Variants in CSTF3 observed in about 807,000 individuals in gnomAD.
CSTF3 encodes cleavage stimulation factor subunit 3.
Under a neutral mutation model 105.8 loss-of-function variants are expected in CSTF3, and 29 were observed. The observed-to-expected ratio is 0.27, with a 90% CI of 0.20 to 0.37. CSTF3 has a LOEUF of 0.37. Among genes scored for constraint, CSTF3 ranks in the 10% least tolerant of loss-of-function variants. The probability of loss-of-function intolerance (pLI) is 1.00; values close to 1 mark genes in which losing one functional copy is unlikely to be tolerated. For synonymous variants in CSTF3, 252 were observed against 281.9 expected (o/e 0.89, Z 1.06); for missense variants, 357 against 879.3 (o/e 0.41, Z 7.51).
chr11:33,132,816 ATTTG>A (rs1446332593), intron 3 of CSTF3, among the ~76,000 whole-genome samples: 1 of 152,122 alleles, frequency 6.6e-6, no homozygotes, highest in Non-Finnish European at 1.5e-5. Flanking sequence ...CTTTTTGACT[ATTTG>A]TTTACAAAGC....
chr11:33,100,794 G>C (rs1398145541), intron 10 of CSTF3, among the ~76,000 whole-genome samples: 1 of 152,160 alleles, frequency 6.6e-6, no homozygotes, highest in Non-Finnish European at 1.5e-5. Flanking sequence ...AGTGGAGTAA[G>C]GATGGGGTAG....
chr11:33,114,657 C>T (rs1855413382), intron 3 of CSTF3, among the ~76,000 whole-genome samples: 1 of 151,922 alleles, frequency 6.6e-6, no homozygotes, highest in East Asian at 1.9e-4. Flanking sequence ...TCGAGACCAG[C>T]CTGGACAACA....
intron 5 of CSTF3, among the ~76,000 whole-genome samples, chr11:33,106,359 T>C (rs1565006334): frequency 6.6e-6 from 1 of 152,042 alleles, no homozygotes; most frequent in Non-Finnish European, 1.5e-5. Context: ...AAGGTTACAG[T>C]GAGTTATGAA....
chr11:33,117,760 A>C (rs1255425330), intron 3 of CSTF3, among the ~76,000 whole-genome samples: 1 of 151,978 alleles, frequency 6.6e-6, no homozygotes, highest in Non-Finnish European at 1.5e-5. Context: ...GCTTTGTCTA[A>C]GTAATTGTTT....
At chr11:33,158,302 A>T (rs760128459) in intron 1 of CSTF3, among the ~76,000 whole-genome samples, 2 of 152,206 alleles carry the variant, frequency 1.3e-5, no homozygotes, top group Admixed American at 6.5e-5. Flanking sequence ...AAAGGTTTGG[A>T]CAAGTTGAGT....
Position 33,124,751 on chromosome 11 carries a change from C to T in CSTF3, c.226-16333G>A, listed in dbSNP as rs187225875. The stretch of plus-strand genomic sequence containing the variant: ...AATTGGACATGTTCAAAAATGCATG[C>T]GTAACTTCCACAATGGTATTTTATT... On this transcript the variant is annotated intron_variant, in intron 3 of 20. Coordinates refer to ENST00000323959, the MANE Select transcript of CSTF3 (RefSeq NM_001326.3). Among the ~76,000 whole-genome samples the T allele has an allele frequency of 7.9e-5, 12 of 152,218 alleles. 1 individual carries two copies. The highest frequency in any genetic ancestry group is 1.9e-4 in the East Asian group (1 of 5,178).
intron 17 of CSTF3, among the ~76,000 whole-genome samples, chr11:33,088,184 C>A (rs1254650218): frequency 6.6e-6 from 1 of 151,368 alleles, no homozygotes. Flanking sequence ...CCGTTAAACA[C>A]AGAAGCACAT....
chr11:33,120,267 A>ATATTTT (rs1214734015), intron 3 of CSTF3, among the ~76,000 whole-genome samples: 10 of 151,888 alleles, frequency 6.6e-5, no homozygotes, highest in African/African-American at 2.4e-4. Context: ...ATATGCTACC[A>ATATTTT]TGTGGAAAAA....
intron 9 of CSTF3, 118 bp from the exon 10 acceptor site, chr11:33,102,457 T>C (rs1472967018): frequency 4.9e-6 from 4 of 812,578 alleles, no homozygotes. Flanking sequence ...AATACCACTT[T>C]GTTAATATAA....
chr11:33,090,703 T>C lies in CSTF3; in HGVS notation c.1470A>G (p.Ala490=), dbSNP rs373029248. 76 of 1,551,646 alleles carry C rather than the reference T, an allele frequency of 4.9e-5. No individual in the cohort carries two copies. The highest frequency in any genetic ancestry group is 6.5e-5 in the Non-Finnish European group (75 of 1,153,012). ...KSGEIWARFL[A]FESNIGDLAS... ...CTAGATCACCAATATTACTTTCAAA[T>C]GCTAGAAATCGGGCCCAGATTTCTC... is the stretch of plus-strand genomic sequence containing the variant. Residue 490 remains alanine (A), a synonymous_variant, in exon 17 of 21, where the codon GCA becomes GCG. Coordinates refer to ENST00000323959, the MANE Select transcript of CSTF3 (RefSeq NM_001326.3).
intron 3 of CSTF3, among the ~76,000 whole-genome samples, chr11:33,137,125 G>A (rs2133796153): frequency 6.6e-6 from 1 of 151,742 alleles, no homozygotes; most frequent in East Asian, 1.9e-4. Flanking sequence ...GTCTTTGCAG[G>A]GTAAAGAAAA....
At chr11:33,094,149 C>T (rs1426840570) in intron 15 of CSTF3, among the ~76,000 whole-genome samples, 1 of 152,208 alleles carries the variant, frequency 6.6e-6, no homozygotes, top group Non-Finnish European at 1.5e-5. Context: ...GTATTTAGCA[C>T]ATTTTTAATG....
chr11:33,085,593 C>T, intron 20 of CSTF3, 120 bp downstream of exon 20: 1 of 871,268 alleles, frequency 1.1e-6, no homozygotes, highest in South Asian at 1.5e-5. Context: ...TCCTGGGTTT[C>T]ACTGCACTTC....
intron 3 of CSTF3, among the ~76,000 whole-genome samples, chr11:33,138,215 G>A (rs1395943716): frequency 6.6e-6 from 1 of 151,630 alleles, no homozygotes; most frequent in East Asian, 1.9e-4. Flanking sequence ...TTCTCCTTCA[G>A]CCACCAATAA....
At position 33,087,071 on chromosome 11, in the gene CSTF3, A is replaced by G; in HGVS notation, c.1712T>C (p.Leu571Pro). The G allele has an allele frequency of 6.2e-7, 1 of 1,614,184 alleles. No homozygotes were observed. Residue 571 changes from leucine to proline, a missense_variant, in exon 18 of 21, where the codon CTG becomes CCG. By Grantham distance (98) the Leu-to-Pro change is moderately conservative. Transcript: ENST00000323959. ...PVVAPSIVPV[L>P]KDEVDRKPEY... Reference sequence around the variant, plus strand: ...TGGTTTTCTATCCACTTCATCTTTCAGAACAGGCACTATAGAAGGAGCTAC... The same window carrying G: ...TGGTTTTCTATCCACTTCATCTTTCGGAACAGGCACTATAGAAGGAGCTAC...
chr11:33,137,282 G>A (rs1403263825), intron 3 of CSTF3, among the ~76,000 whole-genome samples: 2 of 151,600 alleles, frequency 1.3e-5, no homozygotes, highest in South Asian at 2.1e-4. Flanking sequence ...GAATTATCTA[G>A]AAATTATAAA....
intron 1 of CSTF3, 60 bp downstream of exon 1, chr11:33,161,239 G>A: frequency 3.8e-6 from 6 of 1,596,522 alleles, no homozygotes; most frequent in South Asian, 1.1e-5. Context: ...GTCTGGAGCA[G>A]TCGGAGGAAC....
intron 1 of CSTF3, among the ~76,000 whole-genome samples, chr11:33,150,855 CAAA>C (rs571410801): frequency 4.7e-5 from 5 of 106,534 alleles, no homozygotes; most frequent in Non-Finnish European, 5.9e-5. Flanking sequence ...GACCCTGTCT[CAAA>C]AAAAAAAAAA....
Position 33,108,378 on chromosome 11 carries a change from G to A in CSTF3, c.258+8C>T. The A allele has an allele frequency of 6.7e-7, 1 of 1,488,606 alleles. No individual in the cohort carries two copies. Among genetic ancestry groups the A allele is most frequent in the Non-Finnish European group, 9.0e-7 (1 of 1,107,398 alleles). The allele number at this position is 1,488,606 out of a possible 1,614,324, so 92.2% of individuals were successfully genotyped here. A position where few individuals can be genotyped will look rare whatever the true frequency, so the allele number is the denominator to read the frequency against. ...TCAATATAAAATTCAAAGTATTTGA[G>A]GACTCACCTTTTCAACCTTGTCATA... On this transcript the variant is annotated splice_region_variant and intron_variant, in intron 4 of 20. Coordinates refer to ENST00000323959, the MANE Select transcript of CSTF3 (RefSeq NM_001326.3).
Sources: gnomAD v4.1 joint callset for allele counts (sites outside exome capture counted in the v4.1 genomes callset) on GRCh38, gnomAD v4.1.1 for gene constraint, MANE v1.5 for transcripts, NCBI Gene and HGNC (gene_info 2026-07-23, HGNC 2026-07-21) for gene names.